The following KIF7 variants were observed in gnomAD, a reference collection of about 807,000 sequenced individuals.
The protein encoded by KIF7 is kinesin-like protein KIF7.
KIF7 carries 104 observed loss-of-function variants against 135.7 expected under a neutral mutation model. That is an observed-to-expected ratio of 0.77 (90% CI 0.65 to 0.90). KIF7 has a LOEUF of 0.90. Ranked by LOEUF, KIF7 falls within the 40% of genes least tolerant of loss-of-function variation. The probability of loss-of-function intolerance (pLI) is 0.00; values close to 1 mark genes in which losing one functional copy is unlikely to be tolerated. For missense variants in KIF7, 2,005 were observed against 1,839.1 expected, an observed-to-expected ratio of 1.09 and a Z score of -1.65; for synonymous variants, 883 against 809.4, an observed-to-expected ratio of 1.09 and a Z score of -1.54.
chr15:89,641,817 G>T (rs1016811668), intron 11 of KIF7, among the ~76,000 whole-genome samples: 1 of 152,086 alleles, frequency 6.6e-6, no homozygotes, highest in Non-Finnish European at 1.5e-5. Flanking sequence ...AGACTAAACC[G>T]ATGGCATGGG....
chr15:89,631,986 G>C (rs1334132717), intron 14 of KIF7, among the ~76,000 whole-genome samples: 1 of 152,236 alleles, frequency 6.6e-6, no homozygotes, highest in Non-Finnish European at 1.5e-5. Context: ...GCAATGGGTA[G>C]GGGTGGGAGG....
chr15:89,647,439 C>T (rs1240293680), intron 6 of KIF7, among the ~76,000 whole-genome samples, 157 bp downstream of exon 6: 2 of 152,154 alleles, frequency 1.3e-5, no homozygotes, highest in Non-Finnish European at 2.9e-5. Context: ...TGTTGTGATG[C>T]TCACCTCCAC....
chr15:89,642,330 C>A lies in KIF7; in HGVS notation c.2267G>T (p.Arg756Leu). Residue 756 changes from arginine (R) to leucine (L), a missense_variant, in exon 11 of 19, where the codon CGG (arginine) becomes CTG (leucine). Coordinates refer to ENST00000394412, the MANE Select transcript of KIF7 (RefSeq NM_198525.3). ...CCTCTGGCCTTCACTCAGCTCGGCC[C>A]GCACCTGCTCTGCCTCCTGCTCCAG... ...RELEQEAEQV[R>L]AELSEGQRQL... 1 of 1,610,584 alleles carries A rather than the reference C, an allele frequency of 6.2e-7. No homozygotes were observed.
At position 89,649,002 on chromosome 15, in the gene KIF7, T is replaced by A; in HGVS notation, c.895A>T (p.Ile299Leu). Reference sequence around the variant, plus strand: ...GTGATCTTGGAGTCGCGGTAGGGTATGTGGCTGCCCCGGCGCTGAGGGTCC... The same window carrying A: ...GTGATCTTGGAGTCGCGGTAGGGTAAGTGGCTGCCCCGGCGCTGAGGGTCC... ...LGDPQRRGSHIPYRDSKITRI... is the reference protein window; with the variant it reads ...LGDPQRRGSHLPYRDSKITRI... The change falls in exon 4 of 19, where the codon ATA becomes TTA. Residue 299 changes from isoleucine to leucine, a missense_variant. By Grantham distance (5) the Ile-to-Leu change is conservative. Coordinates refer to ENST00000394412, the MANE Select transcript of KIF7 (RefSeq NM_198525.3). The A allele has an allele frequency of 1.3e-6, 2 of 1,546,702 alleles. No homozygotes were observed. Among genetic ancestry groups the A allele is most frequent in the Admixed American group, 3.9e-5 (2 of 50,960 alleles).
In KIF7 at chr15:89,633,700, G is replaced by A; in HGVS notation, c.2578C>T (p.Gln860Ter). The A allele has an allele frequency of 2.5e-6, 4 of 1,607,554 alleles. No homozygotes were observed. Among genetic ancestry groups the A allele is most frequent in the Non-Finnish European group, 3.4e-6 (4 of 1,179,844 alleles). Residue 860 changes from glutamine (Q) to a stop codon, truncating the protein, a stop_gained, in exon 12 of 19, where the codon CAG becomes TAG. Transcript: ENST00000394412. LOFTEE classifies it high-confidence loss of function. The stretch of plus-strand genomic sequence containing the variant: ...GTGAGCCTGACCTTGACGCGGTGCT[G>A]CCGCTTGCTCATTTCTGCCTCCAGG... The part of the protein sequence containing the change: ...RRLEAEMSKR[Q>*]HRVKELELKH...
Position 89,642,303 on chromosome 15 carries a change from T to C in KIF7, c.2294A>G (p.Gln765Arg), listed in dbSNP as rs755346269. 1 of 1,610,952 alleles carries C rather than the reference T, an allele frequency of 6.2e-7. No individual in the cohort carries two copies. Among genetic ancestry groups the C allele is most frequent in the Non-Finnish European group, 8.5e-7 (1 of 1,179,574 alleles). ...CTCCTTGCCCTCGAGCTCCCGCAGC[T>C]GCCTCTGGCCTTCACTCAGCTCGGC... ...VRAELSEGQR[Q>R]LRELEGKELQ... The change falls in exon 11 of 19, where the codon CAG becomes CGG. Residue 765 changes from glutamine (Q) to arginine (R), a missense_variant. By Grantham distance (43) the Gln-to-Arg change is conservative. Coordinates refer to ENST00000394412, the MANE Select transcript of KIF7 (RefSeq NM_198525.3).
In KIF7 at chr15:89,655,403, C is replaced by G. The variant is rs1042307418; in HGVS notation, c.-29G>C. The G allele has an allele frequency of 1.3e-5, 2 of 152,310 alleles. No individual in the cohort carries two copies. The highest frequency in any genetic ancestry group is 2.9e-5 in the Non-Finnish European group (2 of 68,094). 9.4% of individuals were successfully genotyped at this position (152,310 alleles called of 1,614,324 possible). On this transcript the variant is annotated 5_prime_UTR_variant, in exon 1 of 19. Transcript: ENST00000394412. ...CGCTCTCCGGCCCACACTCACCTGCCTGGCTGCAAGCGCCGTCCCGGGCCA... is the reference window on the plus strand; with the variant it reads ...CGCTCTCCGGCCCACACTCACCTGCGTGGCTGCAAGCGCCGTCCCGGGCCA...
rs759450390 is a variant in KIF7 at position 89,647,027 on chromosome 15, TCTC to T, written c.1588_1590del (p.Glu530del). The T allele has an allele frequency of 1.6e-5, 26 of 1,608,406 alleles. No individual in the cohort carries two copies. Among genetic ancestry groups the T allele is most frequent in the Non-Finnish European group, 2.0e-5 (23 of 1,178,132 alleles). Reference sequence around the variant, plus strand: ...TCTAACCGCAGCCGCAGTTCCACCATCTCCTCCTGCTGCTCACGCAGCCGGTCG... The same window carrying T: ...TCTAACCGCAGCCGCAGTTCCACCATCTCCTGCTGCTCACGCAGCCGGTCG... On this transcript the variant is annotated inframe_deletion, in exon 7 of 19. Coordinates refer to ENST00000394412, the MANE Select transcript of KIF7 (RefSeq NM_198525.3).
At chr15:89,623,749 C>G (rs376377438), downstream of KIF7, 8 of 1,614,028 alleles carry the variant, frequency 5.0e-6, no homozygotes, top group Non-Finnish European at 5.9e-6. Flanking sequence ...AAAAATGACC[C>G]CTACAAAGCA....
chr15:89,625,565 C>T, downstream of KIF7: 1 of 1,613,106 alleles, frequency 6.2e-7, no homozygotes. Context: ...CAGTCGCCTC[C>T]CAGGAACAGC....
the KIF7 span, among the ~76,000 whole-genome samples, chr15:89,662,327 T>A: frequency 6.6e-6 from 1 of 152,032 alleles, no homozygotes; most frequent in African/African-American, 2.4e-5. Flanking sequence ...TGAAACCCCG[T>A]CTCTACTAAA....
At chr15:89,626,853 C>A, downstream of KIF7, 1 of 1,326,416 alleles carries the variant, frequency 7.5e-7, no homozygotes, top group Non-Finnish European at 1.0e-6. Flanking sequence ...TGCTGATTTT[C>A]TTAAAGTCTG....
chr15:89,629,149 T>C (rs1412998187), intron 17 of KIF7, 27 bp from the exon 18 acceptor site: 1 of 1,494,422 alleles, frequency 6.7e-7, no homozygotes, highest in Non-Finnish European at 8.9e-7. Context: ...GAGGAGAGGG[T>C]GGTGAGGGCT....
At chr15:89,660,835 T>C in the KIF7 span, among the ~76,000 whole-genome samples, 157 of 152,262 alleles carry the variant, frequency 1.0e-3, 1 homozygote, top group Non-Finnish European at 2.0e-3. Context: ...GGACTTGTGG[T>C]GAGACTTGGT....
At chr15:89,618,072 A>G in exon 2 of KIF7, 1 of 1,379,290 alleles carries the variant, frequency 7.3e-7, no homozygotes, top group Non-Finnish European at 1.0e-6. Flanking sequence ...TGATCTTGTT[A>G]AGTGAGAAGC....
At chr15:89,620,097 A>G (rs1388276616) in intron 1 of KIF7, among the ~76,000 whole-genome samples, 3 of 152,202 alleles carry the variant, frequency 2.0e-5, no homozygotes, top group Non-Finnish European at 4.4e-5. Context: ...AGCTACCCAT[A>G]ATTTCCCATA....
chr15:89,631,868 G>C (rs1963686557), intron 14 of KIF7, among the ~76,000 whole-genome samples, 158 bp from the exon 15 acceptor site: 2 of 152,202 alleles, frequency 1.3e-5, no homozygotes, highest in Admixed American at 1.3e-4. Context: ...AGTTCACAGA[G>C]ACTCCAGGAG....
Position 89,630,319 on chromosome 15 carries a change from T to C in KIF7, c.3286A>G (p.Thr1096Ala), listed in dbSNP as rs1567057796. 1 of 1,614,044 alleles carries C rather than the reference T, an allele frequency of 6.2e-7. No individual in the cohort carries two copies. Among genetic ancestry groups the C allele is most frequent in the Non-Finnish European group, 8.5e-7 (1 of 1,180,012 alleles). ...AKLSYLSSSE[T>A]RALLCKYFDK... ...AAATACTTGCAGAGGAGGGCTCTGGTCTCTGAGGATGAGAGGTAGCTGAGC... is the reference window on the plus strand; with the variant it reads ...AAATACTTGCAGAGGAGGGCTCTGGCCTCTGAGGATGAGAGGTAGCTGAGC... The change falls in exon 16 of 19, where the codon ACC (threonine) becomes GCC (alanine). Residue 1096 changes from threonine to alanine, a missense_variant. Coordinates refer to ENST00000394412, the MANE Select transcript of KIF7 (RefSeq NM_198525.3).
Position 89,652,855 on chromosome 15 carries a change from G to A in KIF7, c.76C>T (p.Leu26=). The A allele has an allele frequency of 6.5e-7, 1 of 1,548,106 alleles. No individual in the cohort carries two copies. The highest frequency in any genetic ancestry group is 8.7e-7 in the Non-Finnish European group (1 of 1,145,752). ...TGCCCGTGCAGCAGCTCCTTGGGCAGCAGTGGTCGAACTCGCAGGGCAACC... is the reference window on the plus strand; with the variant it reads ...TGCCCGTGCAGCAGCTCCTTGGGCAACAGTGGTCGAACTCGCAGGGCAACC... The part of the protein sequence containing the change: ...VRVALRVRPL[L]PKELLHGHQS... Residue 26 remains leucine, a synonymous_variant, in exon 2 of 19, where the codon CTG becomes TTG. Coordinates refer to ENST00000394412, the MANE Select transcript of KIF7 (RefSeq NM_198525.3).
Sources: gnomAD v4.1 joint callset for allele counts (sites outside exome capture counted in the v4.1 genomes callset) on GRCh38, gnomAD v4.1.1 for gene constraint, MANE v1.5 for transcripts, NCBI Gene and HGNC (gene_info 2026-07-23, HGNC 2026-07-21) for gene names.